Variants in AHI1 observed in about 807,000 individuals in gnomAD.
AHI1 encodes jouberin.
AHI1 carries 123 observed loss-of-function variants against 149.3 expected under a neutral mutation model. That is an observed-to-expected ratio of 0.82 (90% confidence interval 0.71 to 0.96). The LOEUF (loss-of-function observed/expected upper bound fraction) is 0.96. Among genes scored for constraint, AHI1 ranks in the 40% least tolerant of loss-of-function variants. The pLI is 0.00. For synonymous variants in AHI1, 475 were observed against 459.8 expected (o/e 1.03, Z -0.42); for missense variants, 1,439 against 1,422.7 (o/e 1.01, Z -0.18).
At chr6:135,455,674 A>C (rs1293942159) in intron 10 of AHI1, 60 bp downstream of exon 10, 6 of 1,255,298 alleles carry the variant, frequency 4.8e-6, no homozygotes. Context: ...ATAATAGCTT[A>C]CATTTGTGCT....
chr6:135,397,594 C>T (rs1316268921), intron 22 of AHI1, among the ~76,000 whole-genome samples: 1 of 152,016 alleles, frequency 6.6e-6, no homozygotes, highest in African/African-American at 2.4e-5. Flanking sequence ...TATAAGCAGA[C>T]AAGCAAAATA....
At chr6:135,372,459 G>A (rs1049245039) in intron 23 of AHI1, among the ~76,000 whole-genome samples, 5 of 151,404 alleles carry the variant, frequency 3.3e-5, no homozygotes, top group Admixed American at 1.3e-4. Context: ...GTTTAAGCCC[G>A]GGAGTCTGAG....
intron 9 of AHI1, among the ~76,000 whole-genome samples, chr6:135,456,350 G>C (rs923773232): frequency 6.6e-6 from 1 of 152,076 alleles, no homozygotes; most frequent in Non-Finnish European, 1.5e-5. Context: ...GGACCAGCCT[G>C]GGTAACATGA....
chr6:135,420,306 T>C (rs1782967473), intron 20 of AHI1, among the ~76,000 whole-genome samples: 1 of 152,194 alleles, frequency 6.6e-6, no homozygotes, highest in Non-Finnish European at 1.5e-5. Context: ...GGAATCACTA[T>C]CTATGTCAGC....
chr6:135,473,406 T>C (rs1792072242), intron 5 of AHI1, among the ~76,000 whole-genome samples: 1 of 152,192 alleles, frequency 6.6e-6, no homozygotes, highest in African/African-American at 2.4e-5. Flanking sequence ...CTTTTCAAAA[T>C]TGTTTTGGCT....
At chr6:135,291,588 G>C (rs943597922) in intron 27 of AHI1, among the ~76,000 whole-genome samples, 1 of 152,138 alleles carries the variant, frequency 6.6e-6, no homozygotes, top group Non-Finnish European at 1.5e-5. Flanking sequence ...CTAGCCCCCA[G>C]AACTGTGTGA....
intron 16 of AHI1, 133 bp from the exon 17 acceptor site, chr6:135,431,447 T>A: frequency 2.2e-6 from 1 of 462,400 alleles, no homozygotes; most frequent in East Asian, 3.4e-5. Flanking sequence ...TATTTCAGTT[T>A]AAAAAAGCCA....
chr6:135,436,067 A>G (rs891445487), intron 15 of AHI1, among the ~76,000 whole-genome samples: 1 of 152,200 alleles, frequency 6.6e-6, no homozygotes, highest in Admixed American at 6.5e-5. Flanking sequence ...ATTCAAATGG[A>G]AACGTGTAAT....
intron 23 of AHI1, among the ~76,000 whole-genome samples, chr6:135,378,520 G>A (rs1423329653): frequency 6.6e-6 from 1 of 152,136 alleles, no homozygotes; most frequent in African/African-American, 2.4e-5. Flanking sequence ...TCTATCTGAG[G>A]CTAGCAGGAT....
chr6:135,390,286 T>C (rs896197884), intron 23 of AHI1, among the ~76,000 whole-genome samples: 2 of 152,148 alleles, frequency 1.3e-5, no homozygotes, highest in African/African-American at 2.4e-5. Flanking sequence ...GTCTAACAAT[T>C]GACAAACATA....
chr6:135,300,764 C>A, intron 26 of AHI1: 1 of 1,185,500 alleles, frequency 8.4e-7, no homozygotes. Context: ...AGTAGTTCTC[C>A]AGAGAGTTCA....
intron 23 of AHI1, among the ~76,000 whole-genome samples, chr6:135,358,902 T>C (rs189121204): frequency 6.6e-6 from 1 of 152,324 alleles, no homozygotes. Flanking sequence ...TGAACACAAG[T>C]GTGGGTCTTG....
At chr6:135,300,415 T>C (rs2128350799) in intron 27 of AHI1, 85 bp downstream of exon 27, 1 of 1,324,232 alleles carries the variant, frequency 7.6e-7, no homozygotes, top group East Asian at 2.6e-5. Context: ...TTGATAATGT[T>C]ATAAAAATAA....
At chr6:135,400,928 A>G in intron 22 of AHI1, among the ~76,000 whole-genome samples, 1 of 152,164 alleles carries the variant, frequency 6.6e-6, no homozygotes, top group Middle Eastern at 3.2e-3. Flanking sequence ...CTTTGGAGAA[A>G]GGCAGACCCA....
At chr6:135,490,818 T>C in intron 4 of AHI1, 71 bp from the exon 5 acceptor site, 1 of 1,525,572 alleles carries the variant, frequency 6.6e-7, no homozygotes, top group South Asian at 1.3e-5. Flanking sequence ...TACTAGGATG[T>C]TAAGAAATAA....
At chr6:135,373,755 G>A (rs1775420105) in intron 23 of AHI1, among the ~76,000 whole-genome samples, 1 of 152,142 alleles carries the variant, frequency 6.6e-6, no homozygotes, top group Admixed American at 6.5e-5. Context: ...AGGAACATGT[G>A]CCAAGTTTTG....
Position 135,290,608 on chromosome 6 carries a change from G to A in AHI1, c.3486-83C>T, listed in dbSNP as rs377324543. The A allele has an allele frequency of 6.3e-5, 90 of 1,435,476 alleles. 2 individuals carry two copies. The highest frequency in any genetic ancestry group is 3.3e-4 in the Admixed American group (18 of 55,026). The allele number at this position is 1,435,476 out of a possible 1,614,324, so 88.9% of individuals were successfully genotyped here. A position where few individuals can be genotyped will look rare whatever the true frequency, so the allele number is the denominator to read the frequency against. On this transcript the variant is annotated intron_variant, in intron 27 of 28. Transcript: ENST00000265602. ...TCAGATGAGGCTTTGATCTAGGGCC[G>A]TGGCAGTGGAAACAAAAATGGGGAT...
chr6:135,323,283 T>C lies in AHI1; in HGVS notation c.3207A>G (p.Glu1069=), dbSNP rs1787155779. Residue 1069 remains glutamate (E), a synonymous_variant, in exon 25 of 29, where the codon GAA becomes GAG. Coordinates refer to ENST00000265602, the MANE Select transcript of AHI1 (RefSeq NM_001134831.2). ...LYDYTANRSD[E]LTIHRGDIIR... is the part of the protein sequence containing the mutation. ...TAATGTCTCCGCGATGGATGGTTAG[T>C]TCATCTGATCGATTCGCTGTGTAGT... The C allele has an allele frequency of 2.5e-6, 4 of 1,613,662 alleles. No homozygotes were observed. The Admixed American group carries it at 5.0e-5, about 20-fold the overall frequency.
intron 24 of AHI1, among the ~76,000 whole-genome samples, chr6:135,352,701 G>GTATATATATA (rs557236679): frequency 5.4e-5 from 7 of 129,490 alleles, no homozygotes; most frequent in African/African-American, 2.2e-4. Context: ...CATTGTGTGT[G>GTATATATATA]TATATATATA....
Sources: gnomAD v4.1 joint callset for allele counts (sites outside exome capture counted in the v4.1 genomes callset) on GRCh38, gnomAD v4.1.1 for gene constraint, MANE v1.5 for transcripts, NCBI Gene and HGNC (gene_info 2026-07-23, HGNC 2026-07-21) for gene names.